Variants in HLCS observed in about 807,000 individuals in gnomAD.
HLCS encodes the protein holocarboxylase synthetase.
Under a neutral mutation model 75.0 loss-of-function variants are expected in HLCS, and 53 were observed. That is an observed-to-expected ratio of 0.71 (90% CI 0.57 to 0.89). The LOEUF (loss-of-function observed/expected upper bound fraction) is 0.89. Ranked by LOEUF, HLCS falls within the 40% of genes least tolerant of loss-of-function variation. The pLI, the probability that HLCS is intolerant of heterozygous loss-of-function variation, is 0.00. For missense variants in HLCS, 966 were observed against 1,074.0 expected, an observed-to-expected ratio of 0.90 and a Z score of 1.41; for synonymous variants, 431 against 428.6, an observed-to-expected ratio of 1.01 and a Z score of -0.07.
intron 6 of HLCS, among the ~76,000 whole-genome samples, chr21:36,778,228 C>T (rs1601203077): frequency 6.6e-6 from 1 of 152,216 alleles, no homozygotes; most frequent in Non-Finnish European, 1.5e-5. Flanking sequence ...CTCTGCCTCC[C>T]AAAGTGCTGG....
chr21:36,881,496 T>C (rs999860030), intron 6 of HLCS, among the ~76,000 whole-genome samples: 3 of 152,228 alleles, frequency 2.0e-5, no homozygotes, highest in Non-Finnish European at 4.4e-5. Flanking sequence ...TTATGAATCA[T>C]GCACACACAG....
intron 1 of HLCS, among the ~76,000 whole-genome samples, chr21:36,985,975 G>A (rs58844217): frequency 0.26 from 39,193 of 152,030 alleles, 5,215 homozygotes; most frequent in South Asian, 0.35. Flanking sequence ...TAATTCATAC[G>A]TAATCTGTGG....
intron 4 of HLCS, among the ~76,000 whole-genome samples, chr21:36,933,164 G>A (rs1049735001): frequency 3.3e-5 from 5 of 152,110 alleles, no homozygotes; most frequent in African/African-American, 7.2e-5. Flanking sequence ...GCAGGGCACC[G>A]TCCAACATGG....
chr21:36,948,105 C>T (rs913880187), intron 2 of HLCS: 9 of 308,780 alleles, frequency 2.9e-5, no homozygotes, highest in African/African-American at 4.5e-5. Flanking sequence ...GCCTGGATGG[C>T]ATGGTGAAAC....
intron 2 of HLCS, among the ~76,000 whole-genome samples, chr21:36,956,881 G>A (rs999097350): frequency 6.6e-5 from 10 of 151,292 alleles, no homozygotes; most frequent in South Asian, 2.1e-4. Flanking sequence ...GTAAAACCCC[G>A]TCTCTACTAA....
intron 6 of HLCS, among the ~76,000 whole-genome samples, chr21:36,798,146 T>G (rs2061085819): frequency 6.6e-6 from 1 of 152,172 alleles, no homozygotes; most frequent in African/African-American, 2.4e-5. Context: ...TAGTAGCGTG[T>G]GCTTGACCTG....
chr21:36,955,603 T>TA (rs200337700), intron 2 of HLCS, among the ~76,000 whole-genome samples: 2,155 of 152,248 alleles, frequency 0.014, 49 homozygotes, highest in African/African-American at 0.048. Context: ...TCAAAAATTT[T>TA]AAAAAATCAA....
chr21:36,870,673 C>T (rs1234449254), intron 6 of HLCS, among the ~76,000 whole-genome samples: 1 of 152,100 alleles, frequency 6.6e-6, no homozygotes, highest in African/African-American at 2.4e-5. Flanking sequence ...TAAAAGGGGG[C>T]TTCATGACAA....
At chr21:36,791,883 C>A (rs780255610) in intron 6 of HLCS, among the ~76,000 whole-genome samples, 42 of 152,120 alleles carry the variant, frequency 2.8e-4, no homozygotes, top group Non-Finnish European at 5.6e-4. Flanking sequence ...GAAAAAAGAA[C>A]AACCAAGTTA....
intron 6 of HLCS, among the ~76,000 whole-genome samples, chr21:36,815,762 T>G (rs2061646767): frequency 1.3e-5 from 2 of 152,336 alleles, no homozygotes; most frequent in South Asian, 2.1e-4. Flanking sequence ...GGAGAAAAGT[T>G]GTTCTAGTTC....
intron 2 of HLCS, among the ~76,000 whole-genome samples, chr21:36,961,179 T>C (rs145747829): frequency 2.9e-4 from 44 of 152,202 alleles, no homozygotes; most frequent in Non-Finnish European, 5.7e-4. Flanking sequence ...GTGGCTGAGG[T>C]TGAAGTATTT....
intron 6 of HLCS, among the ~76,000 whole-genome samples, chr21:36,826,691 G>A (rs762894015): frequency 3.3e-5 from 5 of 152,094 alleles, no homozygotes; most frequent in Non-Finnish European, 5.9e-5. Context: ...TACAATTCAC[G>A]CTATGCACTG....
At chr21:36,938,511 T>C (rs2146534369) in intron 3 of HLCS, among the ~76,000 whole-genome samples, 1 of 152,326 alleles carries the variant, frequency 6.6e-6, no homozygotes, top group South Asian at 2.1e-4. Context: ...AGTGTCCCAC[T>C]ATGATAAAAA....
chr21:36,956,622 C>T lies in HLCS; in HGVS notation c.330+5414G>A, dbSNP rs942631542. ...GTGGGCGCCTGTAGTCCCAGCTACT[C>T]GGGAGGCTGAGGCAGGAGAATGGCA... is the stretch of plus-strand genomic sequence containing the variant. On this transcript the variant is annotated intron_variant, in intron 2 of 10. Transcript: ENST00000674895. Among the ~76,000 whole-genome samples, 16 of 151,762 alleles carry T rather than the reference C, an allele frequency of 1.1e-4. No homozygotes were observed. The South Asian group carries it at 2.3e-3, about 22-fold the overall frequency.
At chr21:36,979,372 T>C (rs1048533272) in intron 1 of HLCS, among the ~76,000 whole-genome samples, 3 of 151,958 alleles carry the variant, frequency 2.0e-5, no homozygotes, top group Admixed American at 2.0e-4. Flanking sequence ...GGAAAGACTA[T>C]GGTGGGAGAA....
chr21:36,895,038 T>C (rs2064957685), intron 6 of HLCS, among the ~76,000 whole-genome samples: 1 of 148,370 alleles, frequency 6.7e-6, no homozygotes, highest in Non-Finnish European at 1.5e-5. Flanking sequence ...GCCCTCTTGG[T>C]GACGCGCTGC....
At chr21:36,882,277 G>A (rs542962315) in intron 6 of HLCS, among the ~76,000 whole-genome samples, 6 of 151,176 alleles carry the variant, frequency 4.0e-5, no homozygotes, top group Admixed American at 6.6e-5. Context: ...GCGAGACTTC[G>A]TCTTGGAAAA....
At chr21:36,969,887 G>A (rs2068740083), upstream of HLCS, among the ~76,000 whole-genome samples, 1 of 152,004 alleles carries the variant, frequency 6.6e-6, no homozygotes, top group Non-Finnish European at 1.5e-5. Flanking sequence ...TAGGGATTTA[G>A]AAGCAAGACT....
intron 5 of HLCS, among the ~76,000 whole-genome samples, chr21:36,913,044 C>T (rs2065787235): frequency 1.3e-5 from 2 of 152,196 alleles, no homozygotes; most frequent in African/African-American, 2.4e-5. Flanking sequence ...CATCCACTGC[C>T]AAGCACTGCT....
Sources: allele counts gnomAD v4.1 joint callset (sites outside exome capture counted in the v4.1 genomes callset), GRCh38; gene constraint gnomAD v4.1.1; transcripts MANE v1.5; gene names NCBI Gene and HGNC (gene_info 2026-07-23, HGNC 2026-07-21).